Variants in EVI5 observed in about 807,000 individuals in gnomAD.
EVI5 encodes ecotropic viral integration site 5 protein homolog.
Under a neutral mutation model 112.0 loss-of-function variants are expected in EVI5, and 73 were observed. The observed-to-expected ratio is 0.65, with a 90% CI of 0.54 to 0.79. The LOEUF is 0.79. Ranked by LOEUF, EVI5 falls within the 30% of genes least tolerant of loss-of-function variation. The pLI is 0.00. For synonymous variants in EVI5, 305 were observed against 319.9 expected, an observed-to-expected ratio of 0.95 and a Z score of 0.50; for missense variants, 900 against 968.8, an observed-to-expected ratio of 0.93 and a Z score of 0.94.
intron 1 of EVI5, among the ~76,000 whole-genome samples, chr1:92,767,656 T>C (rs187503722): frequency 3.2e-4 from 48 of 152,380 alleles, no homozygotes; most frequent in African/African-American, 9.1e-4. Flanking sequence ...TAAAGCACCA[T>C]GTTCTATTAA....
At chr1:92,722,229 G>A (rs1313749921) in intron 2 of EVI5, among the ~76,000 whole-genome samples, 2 of 151,984 alleles carry the variant, frequency 1.3e-5, no homozygotes, top group Non-Finnish European at 2.9e-5. Flanking sequence ...ATTAACAATA[G>A]TAACTGTATT....
chr1:92,715,245 G>A (rs1673445384), intron 2 of EVI5, among the ~76,000 whole-genome samples: 1 of 152,038 alleles, frequency 6.6e-6, no homozygotes, highest in Non-Finnish European at 1.5e-5. Context: ...CTGACCTCAG[G>A]TGATCCACCC....
intron 19 of EVI5, among the ~76,000 whole-genome samples, chr1:92,535,291 C>A (rs1455103730): frequency 6.6e-6 from 1 of 152,172 alleles, no homozygotes; most frequent in Non-Finnish European, 1.5e-5. Context: ...GAAATAGGAA[C>A]ACTTTTACAC....
intron 18 of EVI5, among the ~76,000 whole-genome samples, chr1:92,571,511 T>C (rs2100994564): frequency 6.6e-6 from 1 of 152,300 alleles, no homozygotes; most frequent in East Asian, 1.9e-4. Context: ...GTGATTTTTA[T>C]GTTCTACATT....
rs1035100161 is a variant in EVI5, at chr1:92,780,807, C to G, written c.-82+4029G>C. 3.3e-5 allele frequency among the ~76,000 whole-genome samples: 5 copies of G among 151,522 alleles called. No homozygotes were observed. The South Asian group carries it at 1.0e-3, about 32-fold the overall frequency. On this transcript the variant is annotated intron_variant, in intron 1 of 19. Transcript: ENST00000684568. ...GGAGATCATGTTACTGCACTCCAGC[C>G]TGGGTGATACAGTGAGACCTTGTCT...
intron 19 of EVI5, among the ~76,000 whole-genome samples, chr1:92,517,733 ACT>A (rs1442506078): frequency 6.6e-6 from 1 of 151,980 alleles, no homozygotes; most frequent in East Asian, 1.9e-4. Context: ...GACCTGAATA[ACT>A]CTGATGCACA....
chr1:92,596,194 A>C lies in EVI5; in HGVS notation c.2070+9113T>G, dbSNP rs138911034. ...GAACATGGCGAAACCCCACCTCTAC[A>C]GAAAAAAAATACAAAAATTAGCCGG... is the stretch of plus-strand genomic sequence containing the variant. On this transcript the variant is annotated intron_variant, in intron 18 of 19. Coordinates refer to ENST00000684568, the MANE Select transcript of EVI5 (RefSeq NM_001350197.2). Among the ~76,000 whole-genome samples, 103 of 152,120 alleles carry C rather than the reference A, an allele frequency of 6.8e-4. 1 individual carries two copies. Among genetic ancestry groups the C allele is most frequent in the African/African-American group, 2.4e-3 (101 of 41,494 alleles).
chr1:92,788,314 CA>C (rs987367860), upstream of EVI5, among the ~76,000 whole-genome samples: 7 of 145,590 alleles, frequency 4.8e-5, no homozygotes, highest in Admixed American at 6.9e-5. Flanking sequence ...TACTGAAATA[CA>C]AAAAAAAAAT....
chr1:92,624,141 A>T, intron 16 of EVI5, 35 bp downstream of exon 16: 3 of 1,562,468 alleles, frequency 1.9e-6, no homozygotes. Flanking sequence ...TCAGCTAATG[A>T]TACTTTTTAA....
rs1380193556 is a variant in EVI5, at chr1:92,512,116, A to C, written c.*1540T>G. ...AAGTATAATTTGGGTGTTTTCTCTA[A>C]CTTATCAGTGACAGGCATCCTGTTT... On this transcript the variant is annotated 3_prime_UTR_variant, in exon 20 of 20. Coordinates refer to ENST00000684568, the MANE Select transcript of EVI5 (RefSeq NM_001350197.2). 1.3e-5 allele frequency: 2 copies of C among 152,588 alleles called. No individual in the cohort carries two copies. The highest frequency in any genetic ancestry group is 6.5e-5 in the Admixed American group (1 of 15,280). The allele number at this position is 152,588 out of a possible 1,614,324, so 9.5% of individuals were successfully genotyped here.
intron 19 of EVI5, among the ~76,000 whole-genome samples, chr1:92,550,582 C>T (rs1169712184): frequency 3.4e-5 from 5 of 147,706 alleles, no homozygotes; most frequent in African/African-American, 1.0e-4. Context: ...CCCGTCTCTA[C>T]TAAAAACACA....
At chr1:92,592,659 A>G (rs573298635) in intron 18 of EVI5, among the ~76,000 whole-genome samples, 2 of 152,226 alleles carry the variant, frequency 1.3e-5, no homozygotes, top group Admixed American at 1.3e-4. Context: ...TCAACAAAAT[A>G]AATAGACCAC....
At chr1:92,647,271 C>CT in intron 13 of EVI5, 1 of 187,414 alleles carries the variant, frequency 5.3e-6, no homozygotes, top group Non-Finnish European at 1.2e-5. Context: ...CCTCACACAG[C>CT]TTTTTTGCTA....
At chr1:92,629,910 T>G (rs1031235874) in intron 14 of EVI5, among the ~76,000 whole-genome samples, 2 of 147,982 alleles carry the variant, frequency 1.4e-5, no homozygotes, top group Admixed American at 1.4e-4. Flanking sequence ...AGTGAGAACA[T>G]GTGGTGTTTG....
At position 92,708,805 on chromosome 1, in the gene EVI5, T is replaced by G. The variant is rs1672410948; in HGVS notation, c.150-4061A>C. Among the ~76,000 whole-genome samples the G allele has an allele frequency of 2.0e-5, 3 of 152,102 alleles. No individual in the cohort carries two copies. In the South Asian group the frequency reaches 6.2e-4, roughly 32 times the overall value. ...GAAGGAATTATATTCTGATACACAC[T>G]ATGACATCCATGAACCTTGAAAACA... On this transcript the variant is annotated intron_variant, in intron 2 of 19. Transcript: ENST00000684568.
intron 1 of EVI5, among the ~76,000 whole-genome samples, chr1:92,742,673 C>T (rs1678604898): frequency 6.7e-6 from 1 of 148,856 alleles, no homozygotes. Flanking sequence ...AACTCTGTCT[C>T]ACAAAAAAAA....
At position 92,513,874 on chromosome 1, in the gene EVI5, G is replaced by A. The variant is rs757852548; in HGVS notation, c.2263C>T (p.His755Tyr). Residue 755 changes from histidine (H) to tyrosine (Y), a missense_variant, in exon 20 of 20, where the codon CAT becomes TAT. By Grantham distance (83) the His-to-Tyr change is moderately conservative. Transcript: ENST00000684568. ...TCTATAAAATCTTCATCGGAGGAAT[G>A]GAATGATTCATCATCTCCTATTAAA... ...NHLIGDDESF[H>Y]SSDEDFIDNS... The A allele has an allele frequency of 6.2e-7, 1 of 1,612,764 alleles. No homozygotes were observed. The highest frequency in any genetic ancestry group is 8.5e-7 in the Non-Finnish European group (1 of 1,179,146).
Position 92,689,374 on chromosome 1 carries a change from T to C in EVI5, c.1097+4428A>G, listed in dbSNP as rs138339211. ...GATGACAAAGTAGAACAATGAGACT[T>C]TTTTTTTAGACAGGGTCTCACTCTG... On this transcript the variant is annotated intron_variant, in intron 9 of 19. Coordinates refer to ENST00000684568, the MANE Select transcript of EVI5 (RefSeq NM_001350197.2). 3.9e-3 allele frequency among the ~76,000 whole-genome samples: 595 copies of C among 151,850 alleles called. 3 individuals are homozygous for C. The highest frequency in any genetic ancestry group is 0.013 in the African/African-American group (549 of 41,472).
At chr1:92,657,310 C>A (rs1304990997) in intron 13 of EVI5, among the ~76,000 whole-genome samples, 1 of 152,064 alleles carries the variant, frequency 6.6e-6, no homozygotes, top group Admixed American at 6.6e-5. Flanking sequence ...CAAAAAAAAG[C>A]ACTTGATAAA....
Sources: gnomAD v4.1 joint callset for allele counts (sites outside exome capture counted in the v4.1 genomes callset) on GRCh38, gnomAD v4.1.1 for gene constraint, MANE v1.5 for transcripts, NCBI Gene and HGNC (gene_info 2026-07-23, HGNC 2026-07-21) for gene names.